EDIL3: variants seen among roughly 807,000 people sequenced by gnomAD.
The protein encoded by EDIL3 is EGF-like repeat and discoidin I-like domain-containing protein 3.
EDIL3 carries 37 observed loss-of-function variants against 67.4 expected under a neutral mutation model. The ratio of observed to expected loss-of-function variants is 0.55; its 90% CI spans 0.42 to 0.72. The LOEUF (loss-of-function observed/expected upper bound fraction) is 0.72, where lower values mean the gene tolerates loss of function less well. Ranked by LOEUF, EDIL3 falls within the 30% of genes least tolerant of loss-of-function variation. The probability of loss-of-function intolerance (pLI) is 0.00; values close to 1 mark genes in which losing one functional copy is unlikely to be tolerated. For missense variants in EDIL3, 527 were observed against 586.3 expected, an observed-to-expected ratio of 0.90 and a Z score of 1.04; for synonymous variants, 195 against 196.3, an observed-to-expected ratio of 0.99 and a Z score of 0.05.
At chr5:84,034,309 T>A (rs1390145294) in intron 9 of EDIL3, among the ~76,000 whole-genome samples, 3 of 152,202 alleles carry the variant, frequency 2.0e-5, no homozygotes, top group Non-Finnish European at 4.4e-5. Flanking sequence ...ACAGTTTTTA[T>A]TTAAAAAATT....
intron 4 of EDIL3, among the ~76,000 whole-genome samples, chr5:84,137,817 G>A (rs144715334): frequency 2.6e-5 from 4 of 152,214 alleles, no homozygotes; most frequent in African/African-American, 7.2e-5. Flanking sequence ...TAAATAGTTC[G>A]TCTTTGATGA....
At chr5:84,103,747 G>T (rs1330311115) in intron 6 of EDIL3, among the ~76,000 whole-genome samples, 1 of 152,046 alleles carries the variant, frequency 6.6e-6, no homozygotes, top group Non-Finnish European at 1.5e-5. Flanking sequence ...GGAGAAAAGG[G>T]AATGGTTATA....
chr5:84,165,133 A>G (rs1033688306), intron 4 of EDIL3, among the ~76,000 whole-genome samples: 1 of 152,176 alleles, frequency 6.6e-6, no homozygotes, highest in Non-Finnish European at 1.5e-5. Flanking sequence ...CAGATTGTGA[A>G]GCTGGTGTCC....
chr5:84,310,344 G>A (rs896512846), intron 1 of EDIL3, among the ~76,000 whole-genome samples: 2 of 152,130 alleles, frequency 1.3e-5, no homozygotes, highest in Non-Finnish European at 1.5e-5. Flanking sequence ...TTACACGTGG[G>A]GGGAGGTTAC....
intron 1 of EDIL3, among the ~76,000 whole-genome samples, chr5:84,258,392 T>C (rs116100886): frequency 0.011 from 1,627 of 152,252 alleles, 19 homozygotes; most frequent in Middle Eastern, 0.034. Context: ...CAGTCTATAA[T>C]GCAGATTTGA....
chr5:83,982,537 C>T lies in EDIL3; in HGVS notation c.1138-19177G>A, dbSNP rs115347456. 1.5e-3 allele frequency among the ~76,000 whole-genome samples: 234 copies of T among 152,086 alleles called. 2 individuals carry two copies. The highest frequency in any genetic ancestry group is 5.3e-3 in the African/African-American group (222 of 41,510). On this transcript the variant is annotated intron_variant, in intron 9 of 10. Coordinates refer to ENST00000296591, the MANE Select transcript of EDIL3 (RefSeq NM_005711.5). ...TTCCTCCTTTTTCTGAGATTTCTAA[C>T]TCATATTTAAGGGCATAGCATGAGG...
chr5:84,141,946 T>TATATATATATAC (rs1303835679), intron 4 of EDIL3, among the ~76,000 whole-genome samples: 4 of 132,396 alleles, frequency 3.0e-5, no homozygotes, highest in African/African-American at 1.2e-4. Context: ...TATATATATA[T>TATATATATATAC]ACATAGATCT....
chr5:84,031,357 A>C (rs2301081), intron 9 of EDIL3, among the ~76,000 whole-genome samples: 28,707 of 152,188 alleles, frequency 0.19, 3,025 homozygotes, highest in Admixed American at 0.24. Context: ...GGCATTAAGA[A>C]ATTTTGCTAA....
At chr5:84,266,729 C>T (rs1283941097) in intron 1 of EDIL3, among the ~76,000 whole-genome samples, 1 of 152,162 alleles carries the variant, frequency 6.6e-6, no homozygotes, top group African/African-American at 2.4e-5. Context: ...TTACTTATAA[C>T]TAGCCTTAGG....
chr5:84,330,923 C>T (rs1382075120), intron 1 of EDIL3, among the ~76,000 whole-genome samples: 1 of 152,174 alleles, frequency 6.6e-6, no homozygotes, highest in Non-Finnish European at 1.5e-5. Flanking sequence ...GTACTGAGTG[C>T]CCAAGGCCGT....
At chr5:84,169,485 T>C (rs1424911376) in intron 4 of EDIL3, among the ~76,000 whole-genome samples, 1 of 151,944 alleles carries the variant, frequency 6.6e-6, no homozygotes, top group East Asian at 1.9e-4. Flanking sequence ...TCACAGTCAA[T>C]ATACGAAATG....
intron 9 of EDIL3, among the ~76,000 whole-genome samples, chr5:84,002,543 T>G (rs577921302): frequency 2.0e-5 from 3 of 152,134 alleles, no homozygotes; most frequent in Admixed American, 6.6e-5. Context: ...CCCTAAAGAC[T>G]CCACCAAAAA....
intron 4 of EDIL3, among the ~76,000 whole-genome samples, chr5:84,147,356 G>A (rs1748306291): frequency 6.6e-6 from 1 of 151,886 alleles, no homozygotes; most frequent in Non-Finnish European, 1.5e-5. Context: ...AAAGCATCAG[G>A]GAACATGCAT....
At chr5:84,344,697 T>C (rs1332816287) in intron 1 of EDIL3, among the ~76,000 whole-genome samples, 1 of 152,102 alleles carries the variant, frequency 6.6e-6, no homozygotes, top group East Asian at 1.9e-4. Flanking sequence ...ATGAGAATAA[T>C]TTTGACATAT....
At chr5:84,322,943 T>A (rs1450808387) in intron 1 of EDIL3, among the ~76,000 whole-genome samples, 1 of 151,834 alleles carries the variant, frequency 6.6e-6, no homozygotes, top group Non-Finnish European at 1.5e-5. Context: ...AAAATGTCAA[T>A]CAAGAATCCT....
chr5:84,136,914 C>A (rs1748101879), intron 5 of EDIL3, among the ~76,000 whole-genome samples: 1 of 151,900 alleles, frequency 6.6e-6, no homozygotes, highest in African/African-American at 2.4e-5. Context: ...AATCATAAAC[C>A]AAAATGGGAT....
intron 1 of EDIL3, among the ~76,000 whole-genome samples, chr5:84,298,840 G>T (rs147496473): frequency 6.6e-6 from 1 of 152,174 alleles, no homozygotes; most frequent in Non-Finnish European, 1.5e-5. Flanking sequence ...CCATCCACAG[G>T]GTTCCTCTCT....
chr5:84,208,540 G>A (rs1252679221), intron 3 of EDIL3, among the ~76,000 whole-genome samples: 6 of 151,420 alleles, frequency 4.0e-5, no homozygotes, highest in South Asian at 2.1e-4. Context: ...TTAGCCGGGC[G>A]CGGTGGTGGG....
At chr5:84,074,734 C>A (rs546508528) in intron 6 of EDIL3, among the ~76,000 whole-genome samples, 1 of 152,136 alleles carries the variant, frequency 6.6e-6, no homozygotes, top group African/African-American at 2.4e-5. Flanking sequence ...AATAGGAACA[C>A]TTTTACACTG....
Sources: gnomAD v4.1 joint callset for allele counts (sites outside exome capture counted in the v4.1 genomes callset) on GRCh38, gnomAD v4.1.1 for gene constraint, MANE v1.5 for transcripts, NCBI Gene and HGNC (gene_info 2026-07-23, HGNC 2026-07-21) for gene names.